The following DCDC2 variants were observed in gnomAD, a reference collection of about 807,000 sequenced individuals.
DCDC2 encodes doublecortin domain-containing protein 2.
In DCDC2, 40 loss-of-function variants were observed where a neutral mutation model predicts 50.2. That is an observed-to-expected ratio of 0.80 (90% CI 0.62 to 1.04). The LOEUF (loss-of-function observed/expected upper bound fraction) is 1.04, where lower values mean the gene tolerates loss of function less well. Among genes scored for constraint, DCDC2 ranks in the 50% least tolerant of loss-of-function variants. DCDC2 has a pLI of 0.00. For synonymous variants in DCDC2, 234 were observed against 210.6 expected, an observed-to-expected ratio of 1.11 and a Z score of -0.96; for missense variants, 570 against 581.9, an observed-to-expected ratio of 0.98 and a Z score of 0.21.
At chr6:24,175,073 A>T (rs1038761910) in intron 9 of DCDC2, among the ~76,000 whole-genome samples, 3 of 150,212 alleles carry the variant, frequency 2.0e-5, no homozygotes, top group African/African-American at 7.5e-5. Flanking sequence ...AAAGGCCCTG[A>T]CTCATTTTGT....
rs141978809 is a variant in DCDC2 at position 24,336,079 on chromosome 6, A to G, written c.348+17490T>C. Among the ~76,000 whole-genome samples, 418 of 152,278 alleles carry G rather than the reference A, an allele frequency of 2.7e-3. 1 individual carries two copies. The highest frequency in any genetic ancestry group is 9.4e-3 in the African/African-American group (390 of 41,564). ...AGGTTCTAGAGGAAGTATTTACAATATCCACTGTCAAAAGTTGGGGGCAGT... is the reference window on the plus strand; with the variant it reads ...AGGTTCTAGAGGAAGTATTTACAATGTCCACTGTCAAAAGTTGGGGGCAGT... On this transcript the variant is annotated intron_variant, in intron 2 of 9. Coordinates refer to ENST00000378454, the MANE Select transcript of DCDC2 (RefSeq NM_016356.5).
chr6:24,185,738 GATAAAAT>G, intron 8 of DCDC2, among the ~76,000 whole-genome samples: 1 of 137,300 alleles, frequency 7.3e-6, no homozygotes, highest in African/African-American at 2.7e-5. Context: ...TATACACACA[GATAAAAT>G]CTATACCATG....
At chr6:24,215,543 T>G (rs962401507) in intron 7 of DCDC2, among the ~76,000 whole-genome samples, 9 of 152,152 alleles carry the variant, frequency 5.9e-5, no homozygotes, top group African/African-American at 2.2e-4. Context: ...AGGACTGATA[T>G]TGCTGAGGTG....
chr6:24,185,619 G>A (rs1432911221), intron 8 of DCDC2, among the ~76,000 whole-genome samples: 4 of 151,320 alleles, frequency 2.6e-5, no homozygotes, highest in Non-Finnish European at 5.9e-5. Flanking sequence ...TATTAAAGAT[G>A]TTTCCAGTGT....
intron 6 of DCDC2, among the ~76,000 whole-genome samples, chr6:24,280,181 G>A (rs1264749437): frequency 6.6e-6 from 1 of 152,138 alleles, no homozygotes; most frequent in Non-Finnish European, 1.5e-5. Flanking sequence ...AAAATTCACA[G>A]CCTTACAAAT....
At chr6:24,342,708 G>T (rs1760182265) in intron 2 of DCDC2, among the ~76,000 whole-genome samples, 1 of 151,148 alleles carries the variant, frequency 6.6e-6, no homozygotes, top group African/African-American at 2.4e-5. Context: ...AAAAAAAAGG[G>T]TTTTCTTTCA....
At chr6:24,239,153 C>T (rs1762513107) in intron 7 of DCDC2, among the ~76,000 whole-genome samples, 1 of 152,100 alleles carries the variant, frequency 6.6e-6, no homozygotes, top group African/African-American at 2.4e-5. Flanking sequence ...CCTCACAGTC[C>T]AGTCAGGGAG....
intron 8 of DCDC2, among the ~76,000 whole-genome samples, chr6:24,204,291 G>C (rs1000829820): frequency 1.3e-5 from 2 of 152,120 alleles, no homozygotes; most frequent in African/African-American, 4.8e-5. Flanking sequence ...TATACACCAC[G>C]GAATACTATG....
At chr6:24,275,443 T>C (rs1462888042) in intron 7 of DCDC2, among the ~76,000 whole-genome samples, 1 of 152,182 alleles carries the variant, frequency 6.6e-6, no homozygotes, top group Non-Finnish European at 1.5e-5. Context: ...AAAATTGTCT[T>C]TGGAAGCCAA....
chr6:24,191,498 T>A (rs563360384), intron 8 of DCDC2, among the ~76,000 whole-genome samples: 1 of 152,168 alleles, frequency 6.6e-6, no homozygotes, highest in African/African-American at 2.4e-5. Context: ...AAATTTATAA[T>A]TGAAAACAGA....
chr6:24,284,236 C>T (rs762129210), intron 6 of DCDC2, among the ~76,000 whole-genome samples: 57 of 152,162 alleles, frequency 3.7e-4, no homozygotes, highest in Non-Finnish European at 3.7e-4. Context: ...CATACCTGTA[C>T]GTGTCCCACT....
At chr6:24,241,585 T>C (rs972911268) in intron 7 of DCDC2, among the ~76,000 whole-genome samples, 3 of 152,184 alleles carry the variant, frequency 2.0e-5, no homozygotes, top group Admixed American at 2.0e-4. Context: ...TACACAAAAC[T>C]CTAGGTTGAA....
At chr6:24,327,296 T>C (rs1759887342) in intron 2 of DCDC2, among the ~76,000 whole-genome samples, 1 of 149,430 alleles carries the variant, frequency 6.7e-6, no homozygotes, top group Non-Finnish European at 1.5e-5. Context: ...TTTGTTTTCA[T>C]TGCTGTTGAC....
At chr6:24,301,393 A>AG (rs66636266) in intron 4 of DCDC2, among the ~76,000 whole-genome samples, 1 of 150,116 alleles carries the variant, frequency 6.7e-6, no homozygotes, top group African/African-American at 2.4e-5. Context: ...AAAAAAAAAA[A>AG]GTTAAGGGGC....
chr6:24,235,958 A>C (rs1188369619), intron 7 of DCDC2, among the ~76,000 whole-genome samples: 1 of 152,242 alleles, frequency 6.6e-6, no homozygotes, highest in Non-Finnish European at 1.5e-5. Context: ...CATAGATGAC[A>C]CAAATGGAAA....
At chr6:24,368,085 A>G in the DCDC2 span, among the ~76,000 whole-genome samples, 1 of 152,104 alleles carries the variant, frequency 6.6e-6, no homozygotes, top group Non-Finnish European at 1.5e-5. Context: ...CTAAAACAGT[A>G]TATTCAGATA....
the DCDC2 span, among the ~76,000 whole-genome samples, chr6:24,367,762 T>TA: frequency 0.43 from 65,835 of 151,882 alleles, 14,925 homozygotes; most frequent in African/African-American, 0.55. Flanking sequence ...GAATATACAG[T>TA]AAAAAAACCT....
Position 24,198,608 on chromosome 6 carries a change from GT to G in DCDC2, c.1023+6393del, listed in dbSNP as rs112114755. 6.8e-3 allele frequency among the ~76,000 whole-genome samples: 1,001 copies of G among 147,150 alleles called. 9 individuals are homozygous for G. Among genetic ancestry groups the G allele is most frequent in the African/African-American group, 0.018 (705 of 40,244 alleles). On this transcript the variant is annotated intron_variant, in intron 8 of 9. Transcript: ENST00000378454. ...TTGGGCAGACACCAAGCTAGCTACA[GT>G]TTTTTTTTTTTCATACCCCAGTGGT...
chr6:24,310,632 T>A (rs75366700), intron 2 of DCDC2, among the ~76,000 whole-genome samples: 1 of 152,254 alleles, frequency 6.6e-6, no homozygotes, highest in Non-Finnish European at 1.5e-5. Flanking sequence ...CAAATCCCTA[T>A]CTCTAGTCCA....
Sources: allele counts gnomAD v4.1 joint callset (sites outside exome capture counted in the v4.1 genomes callset), GRCh38; gene constraint gnomAD v4.1.1; transcripts MANE v1.5; gene names NCBI Gene and HGNC (gene_info 2026-07-23, HGNC 2026-07-21).